Variants in KIF26B observed in about 807,000 individuals in gnomAD.
KIF26B encodes the protein kinesin-like protein KIF26B.
Under a neutral mutation model 151.2 loss-of-function variants are expected in KIF26B, and 63 were observed. The observed-to-expected ratio is 0.42, with a 90% CI of 0.34 to 0.51. The LOEUF is 0.51. Ranked by LOEUF, KIF26B falls within the 20% of genes least tolerant of loss-of-function variation. The probability of loss-of-function intolerance (pLI) is 0.07; values close to 1 mark genes in which losing one functional copy is unlikely to be tolerated. For missense variants in KIF26B, 2,813 were observed against 2,913.6 expected, an observed-to-expected ratio of 0.97 and a Z score of 0.79; for synonymous variants, 1,357 against 1,262.1, an observed-to-expected ratio of 1.08 and a Z score of -1.59.
rs73139655 is a variant in KIF26B at position 245,623,317 on chromosome 1, T to C, written c.2098+11341T>C. Among the ~76,000 whole-genome samples the C allele has an allele frequency of 3.8e-3, 572 of 152,246 alleles. 4 individuals carry two copies. Among genetic ancestry groups the C allele is most frequent in the African/African-American group, 0.013 (554 of 41,554 alleles). Reference sequence around the variant, plus strand: ...TTAGTGTGGATTTCCTAGAATTTTATGTAAAAGGAAACATATCTTGCAGAC... The same window carrying C: ...TTAGTGTGGATTTCCTAGAATTTTACGTAAAAGGAAACATATCTTGCAGAC... On this transcript the variant is annotated intron_variant, in intron 9 of 14. Coordinates refer to ENST00000407071, the MANE Select transcript of KIF26B (RefSeq NM_018012.4).
intron 2 of KIF26B, among the ~76,000 whole-genome samples, chr1:245,272,477 T>C (rs1384499554): frequency 6.7e-6 from 1 of 148,544 alleles, no homozygotes; most frequent in Non-Finnish European, 1.5e-5. Context: ...TTGGTTTGGT[T>C]GTTTCTTTTT....
intron 10 of KIF26B, among the ~76,000 whole-genome samples, chr1:245,647,344 G>T (rs2043961507): frequency 7.5e-6 from 1 of 133,368 alleles, no homozygotes; most frequent in Admixed American, 9.0e-5. Flanking sequence ...AGAATGGCAT[G>T]AAACCAGGAG....
chr1:245,399,532 G>A (rs940285126), intron 3 of KIF26B, among the ~76,000 whole-genome samples: 1 of 152,190 alleles, frequency 6.6e-6, no homozygotes, highest in African/African-American at 2.4e-5. Flanking sequence ...CCTTGAGGAG[G>A]AAGAAAGGAT....
At chr1:245,341,945 A>G (rs571250625) in intron 2 of KIF26B, among the ~76,000 whole-genome samples, 31 of 152,292 alleles carry the variant, frequency 2.0e-4, no homozygotes, top group African/African-American at 5.5e-4. Flanking sequence ...ATGACATTGT[A>G]TCACAGGGAT....
At chr1:245,308,147 G>A (rs949550433) in intron 2 of KIF26B, among the ~76,000 whole-genome samples, 5 of 152,090 alleles carry the variant, frequency 3.3e-5, no homozygotes, top group South Asian at 2.1e-4. Flanking sequence ...AGTTTAAACC[G>A]GCCTCTGGGT....
At chr1:245,209,500 G>A (rs1008149113) in intron 2 of KIF26B, among the ~76,000 whole-genome samples, 13 of 152,034 alleles carry the variant, frequency 8.6e-5, no homozygotes, top group Admixed American at 2.6e-4. Flanking sequence ...GTGTAGAAGT[G>A]GAAAAGAAAA....
intron 2 of KIF26B, among the ~76,000 whole-genome samples, chr1:245,169,149 C>T (rs530223238): frequency 1.4e-4 from 22 of 152,084 alleles, no homozygotes; most frequent in East Asian, 7.7e-4. Flanking sequence ...GTCCTTCCAC[C>T]GAGCTCTCTG....
intron 4 of KIF26B, among the ~76,000 whole-genome samples, chr1:245,449,062 T>C (rs1336068905): frequency 6.6e-6 from 1 of 152,246 alleles, no homozygotes; most frequent in East Asian, 1.9e-4. Context: ...GGATTTATTC[T>C]GTGTTGCGGC....
chr1:245,605,559 C>T (rs1453963549), intron 6 of KIF26B, among the ~76,000 whole-genome samples: 3 of 152,202 alleles, frequency 2.0e-5, no homozygotes, highest in Non-Finnish European at 4.4e-5. Context: ...TCGGCAGTCG[C>T]TGGCTGCCCC....
At chr1:245,514,213 C>T (rs1315470528) in intron 4 of KIF26B, among the ~76,000 whole-genome samples, 1 of 152,140 alleles carries the variant, frequency 6.6e-6, no homozygotes, top group East Asian at 1.9e-4. Flanking sequence ...ATATATACAA[C>T]TTCCACTTGT....
Position 245,556,929 on chromosome 1 carries a change from T to TGGAACTCACAGTCAGAAGGGCCCTG in KIF26B, c.1350+16002_1350+16003insTGGGAACTCACAGTCAGAAGGGCCC, listed in dbSNP as rs543745896. On this transcript the variant is annotated intron_variant, in intron 5 of 14. Transcript: ENST00000407071. ...CAGTCATCCCATTTTCCCAGCAGCG[T>TGGAACTCACAGTCAGAAGGGCCCTG]GGAACTCACAGTCAGAAGGGCCCAT... is the stretch of plus-strand genomic sequence containing the variant. Among the ~76,000 whole-genome samples, 27 of 152,308 alleles carry TGGAACTCACAGTCAGAAGGGCCCTG rather than the reference T, an allele frequency of 1.8e-4. No individual in the cohort carries two copies. In the East Asian group the frequency reaches 5.2e-3, roughly 29 times the overall value.
intron 9 of KIF26B, among the ~76,000 whole-genome samples, chr1:245,631,093 T>C (rs1220078107): frequency 6.6e-6 from 1 of 152,234 alleles, no homozygotes; most frequent in Non-Finnish European, 1.5e-5. Context: ...GACTTTCGCT[T>C]TTCCAGTTTG....
rs756820168 is a variant in KIF26B at position 245,702,416 on chromosome 1, C to T, written c.6179-42C>T. 8 of 1,610,780 alleles carry T rather than the reference C, an allele frequency of 5.0e-6. No homozygotes were observed. Among genetic ancestry groups the T allele is most frequent in the Non-Finnish European group, 6.8e-6 (8 of 1,177,808 alleles). On this transcript the variant is annotated intron_variant, in intron 14 of 14. Coordinates refer to ENST00000407071, the MANE Select transcript of KIF26B (RefSeq NM_018012.4). This position sits in a 1 kb window ranked among gnomAD's most constrained non-coding sequence, Gnocchi z 4.1. ...GAGCCGTCGGGAGTTGCTTCTCACCCTGTTTGCTCTGCGTCTCCATCAGGC... is the reference window on the plus strand; with the variant it reads ...GAGCCGTCGGGAGTTGCTTCTCACCTTGTTTGCTCTGCGTCTCCATCAGGC...
chr1:245,304,110 A>G (rs1671492038), intron 2 of KIF26B, among the ~76,000 whole-genome samples: 1 of 152,266 alleles, frequency 6.6e-6, no homozygotes, highest in South Asian at 2.1e-4. Context: ...TAAGCCAGCC[A>G]CAGACCCAGG....
At chr1:245,550,507 C>T (rs1661854581) in intron 5 of KIF26B, among the ~76,000 whole-genome samples, 1 of 152,208 alleles carries the variant, frequency 6.6e-6, no homozygotes, top group African/African-American at 2.4e-5. Flanking sequence ...CTAGCAGCAG[C>T]GTCGGCACTA....
chr1:245,290,593 G>A (rs1293491749), intron 2 of KIF26B, among the ~76,000 whole-genome samples: 1 of 152,170 alleles, frequency 6.6e-6, no homozygotes, highest in Non-Finnish European at 1.5e-5. Flanking sequence ...ACGACCAGAG[G>A]TCACTCTCGT....
chr1:245,290,234 T>C (rs190304786), intron 2 of KIF26B, among the ~76,000 whole-genome samples: 1 of 152,160 alleles, frequency 6.6e-6, no homozygotes, highest in Non-Finnish European at 1.5e-5. Flanking sequence ...CTCACCTAGG[T>C]ATACCTTACT....
chr1:245,420,864 G>C (rs977061168), intron 4 of KIF26B, among the ~76,000 whole-genome samples: 1 of 152,220 alleles, frequency 6.6e-6, no homozygotes, highest in Non-Finnish European at 1.5e-5. Context: ...AAGGGGCTCT[G>C]ATTAGGACAG....
At chr1:245,671,853 C>T (rs535829257) in intron 10 of KIF26B, among the ~76,000 whole-genome samples, 12 of 152,242 alleles carry the variant, frequency 7.9e-5, no homozygotes, top group Middle Eastern at 3.4e-3. Flanking sequence ...GGATGAGCAC[C>T]GATGCAGGAG....
Sources: allele counts gnomAD v4.1 joint callset (sites outside exome capture counted in the v4.1 genomes callset), GRCh38; gene constraint gnomAD v4.1.1; non-coding constraint Gnocchi (gnomAD v3.1); transcripts MANE v1.5; gene names NCBI Gene and HGNC (gene_info 2026-07-23, HGNC 2026-07-21).